Variants in GRK6 observed in about 807,000 individuals in gnomAD.
The protein encoded by GRK6 is G protein-coupled receptor kinase 6.
In GRK6, 37 loss-of-function variants were observed where a neutral mutation model predicts 80.8. The ratio of observed to expected loss-of-function variants is 0.46; its 90% CI spans 0.35 to 0.60. The LOEUF (loss-of-function observed/expected upper bound fraction) is 0.60. Among genes scored for constraint, GRK6 ranks in the 20% least tolerant of loss-of-function variants. The probability of loss-of-function intolerance (pLI) is 0.00; values close to 1 mark genes in which losing one functional copy is unlikely to be tolerated. For missense variants in GRK6, 560 were observed against 784.6 expected, an observed-to-expected ratio of 0.71 and a Z score of 3.42; for synonymous variants, 295 against 320.9, an observed-to-expected ratio of 0.92 and a Z score of 0.86.
intron 5 of GRK6, 62 bp from the exon 6 acceptor site, chr5:177,433,085 C>A: frequency 1.4e-6 from 2 of 1,448,076 alleles, no homozygotes; most frequent in Admixed American, 1.7e-5. Context: ...CCTGGCCCAG[C>A]AAGCCAAGAG....
Position 177,442,266 on chromosome 5 carries a change from A to G in GRK6, c.*476A>G. ...CTGGCCACCCCGGCCTCTGAGTAAG[A>G]CTCGTGCCTCCCCCTGCTGCCCTGG... On this transcript the variant is annotated 3_prime_UTR_variant, in exon 16 of 16. Coordinates refer to ENST00000355472, the MANE Select transcript of GRK6 (RefSeq NM_001004106.3). The G allele has an allele frequency of 6.0e-6, 1 of 166,064 alleles. No individual in the cohort carries two copies. Among genetic ancestry groups the G allele is most frequent in the Non-Finnish European group, 1.3e-5 (1 of 76,668 alleles). The allele number at this position is 166,064 out of a possible 1,614,324, so 10.3% of individuals were successfully genotyped here.
chr5:177,441,469 G>C (rs1764495644), intron 15 of GRK6: 3 of 636,194 alleles, frequency 4.7e-6, no homozygotes, highest in African/African-American at 3.7e-5. Context: ...AGGGGAGAGG[G>C]CTGGGCAGAG....
chr5:177,433,617 G>A lies in GRK6; in HGVS notation c.679G>A (p.Gly227Arg). 6.2e-7 allele frequency: 1 copy of A among 1,614,154 alleles called. No individual in the cohort carries two copies. Among genetic ancestry groups the A allele is most frequent in the Non-Finnish European group, 8.5e-7 (1 of 1,180,032 alleles). ...GAAAAAGCGGATCAAGAAGCGGAAA[G>A]GGGAGGCCATGGCGCTGAACGAGAA... is the stretch of plus-strand genomic sequence containing the variant. Reference protein sequence around the residue: ...LEKKRIKKRKGEAMALNEKQI... With the variant: ...LEKKRIKKRKREAMALNEKQI... The change falls in exon 8 of 16, where the codon GGG (glycine) becomes AGG (arginine). Residue 227 changes from glycine to arginine, a missense_variant. Physicochemically the swap from Gly to Arg is moderately radical, Grantham distance 125 (BLOSUM62 -2). Transcript: ENST00000355472.
At position 177,436,417 on chromosome 5, in the gene GRK6, C is replaced by T. The variant is rs909306347; in HGVS notation, c.1291C>T (p.Arg431Cys). The T allele has an allele frequency of 8.9e-6, 14 of 1,572,780 alleles. No individual in the cohort carries two copies. Among genetic ancestry groups the T allele is most frequent in the Non-Finnish European group, 9.5e-6 (11 of 1,154,070 alleles). Residue 431 changes from arginine (R) to cysteine (C), a missense_variant, in exon 13 of 16, where the codon CGC becomes TGC. By Grantham distance (180) the Arg-to-Cys change is radical. This residue lies in a region of GRK6 where 294 missense variants were observed against 397.4 expected (regional missense o/e 0.74). Coordinates refer to ENST00000355472, the MANE Select transcript of GRK6 (RefSeq NM_001004106.3). ...SQLLCKDPAE[R>C]LGCRGGSARE... ...GCTCCTCTGCAAGGACCCTGCCGAA[C>T]GCCTGGGGTGTCGTGGGGGCAGTGC...
intron 13 of GRK6, among the ~76,000 whole-genome samples, chr5:177,437,383 C>T (rs1764211174): frequency 6.6e-6 from 1 of 152,198 alleles, no homozygotes; most frequent in Admixed American, 6.5e-5. Context: ...GAACCTGCAC[C>T]AATGGGGGAG....
Position 177,433,911 on chromosome 5 carries a change from C to T in GRK6, c.739-3C>T. ...CTGAGGGCTCGGGTCCCCTCGGCCA[C>T]AGGTGAGCTTGGCCTACGCCTATGA... is the stretch of plus-strand genomic sequence containing the variant. On this transcript the variant is annotated splice_region_variant and splice_polypyrimidine_tract_variant and intron_variant, in intron 8 of 15. Transcript: ENST00000355472. The T allele has an allele frequency of 6.4e-7, 1 of 1,561,160 alleles. No individual in the cohort carries two copies. The highest frequency in any genetic ancestry group is 1.4e-5 in the African/African-American group (1 of 73,542).
intron 2 of GRK6, 24 bp from the exon 3 acceptor site, chr5:177,431,971 A>G (rs1485851898): frequency 6.2e-7 from 1 of 1,605,462 alleles, no homozygotes; most frequent in Non-Finnish European, 8.5e-7. Context: ...CTGTGGACCC[A>G]GCAGCTTCCA....
At chr5:177,436,328 C>A in intron 12 of GRK6, 47 bp downstream of exon 12, 1 of 1,608,096 alleles carries the variant, frequency 6.2e-7, no homozygotes, top group Non-Finnish European at 8.5e-7. Context: ...GGGGTGGATG[C>A]ACCTTTCCCT....
At position 177,441,063 on chromosome 5, in the gene GRK6, A is replaced by G. The variant is rs1198796466; in HGVS notation, c.1677+10A>G. The G allele has an allele frequency of 6.2e-7, 1 of 1,613,080 alleles. No homozygotes were observed. The highest frequency in any genetic ancestry group is 8.5e-7 in the Non-Finnish European group (1 of 1,179,680). On this transcript the variant is annotated intron_variant, in intron 15 of 15. Coordinates refer to ENST00000355472, the MANE Select transcript of GRK6 (RefSeq NM_001004106.3). ...ACTCTTCAGTCGCCAAGTAAGCCCC[A>G]GCAGCGGCCTACCTGGGCCCCTAAC...
chr5:177,432,444 T>C, intron 4 of GRK6, 134 bp downstream of exon 4: 3 of 950,192 alleles, frequency 3.2e-6, no homozygotes, highest in African/African-American at 1.6e-5. Context: ...GGACAGAGAG[T>C]GCCCTGGAGC....
rs533155610 is a variant in GRK6, at chr5:177,431,949, T to C, written c.149-46T>C. ...GTGGTGTGGGCACATGCCCCACCCA[T>C]GTGCTCTCGGGCTGTGGACCCAGCA... is the stretch of plus-strand genomic sequence containing the variant. On this transcript the variant is annotated intron_variant, in intron 2 of 15. Coordinates refer to ENST00000355472, the MANE Select transcript of GRK6 (RefSeq NM_001004106.3). 7 of 1,551,340 alleles carry C rather than the reference T, an allele frequency of 4.5e-6. No homozygotes were observed. The East Asian group carries it at 6.7e-5, about 15-fold the overall frequency.
Position 177,432,820 on chromosome 5 carries a change from T to G in GRK6, c.440+14T>G. 1 of 1,589,232 alleles carries G rather than the reference T, an allele frequency of 6.3e-7. No individual in the cohort carries two copies. On this transcript the variant is annotated intron_variant, in intron 5 of 15. Coordinates refer to ENST00000355472, the MANE Select transcript of GRK6 (RefSeq NM_001004106.3). ...GGAACTCACCCGGTAAGCCTGTCCCTGCCCACAAGCCTGGAATTATGCCCA... is the reference window on the plus strand; with the variant it reads ...GGAACTCACCCGGTAAGCCTGTCCCGGCCCACAAGCCTGGAATTATGCCCA...
In GRK6 at chr5:177,434,118, G is replaced by A. The variant is rs781539690; in HGVS notation, c.929+14G>A. The A allele has an allele frequency of 3.8e-5, 59 of 1,539,756 alleles. No homozygotes were observed. The African/African-American group carries it at 4.9e-4, about 13-fold the overall frequency. On this transcript the variant is annotated intron_variant, in intron 9 of 15. Transcript: ENST00000355472. ...CATCGTGTACAGGTGGGGAGGGCTCGGCCACCCCAGGGGCTTAGTCCTTCC... is the reference window on the plus strand; with the variant it reads ...CATCGTGTACAGGTGGGGAGGGCTCAGCCACCCCAGGGGCTTAGTCCTTCC...
chr5:177,439,773 G>A (rs1764372560), intron 13 of GRK6: 1 of 152,224 alleles, frequency 6.6e-6, no homozygotes, highest in African/African-American at 2.4e-5. Flanking sequence ...GCATCACATA[G>A]TATGTGATCC....
chr5:177,439,246 G>A (rs1227581063), intron 13 of GRK6, among the ~76,000 whole-genome samples: 4 of 152,128 alleles, frequency 2.6e-5, no homozygotes, highest in South Asian at 2.1e-4. Context: ...CCCATTTAAA[G>A]TGTACAATTC....
chr5:177,440,908 C>A lies in GRK6; in HGVS notation c.1543-11C>A. The A allele has an allele frequency of 6.2e-7, 1 of 1,613,966 alleles. No individual in the cohort carries two copies. The highest frequency in any genetic ancestry group is 8.5e-7 in the Non-Finnish European group (1 of 1,179,964). The stretch of plus-strand genomic sequence containing the variant: ...TGGGGACAGCTGTCACAGCCGCCTG[C>A]TCCTCAGCAGATGGTGGAGACCGAG... On this transcript the variant is annotated splice_polypyrimidine_tract_variant and intron_variant, in intron 14 of 15. Transcript: ENST00000355472.
chr5:177,442,054 T>C lies in GRK6; in HGVS notation c.*264T>C. On this transcript the variant is annotated 3_prime_UTR_variant, in exon 16 of 16. Transcript: ENST00000355472. ...TTCTGTATTTATGTATTTGTACGAA[T>C]GTATATAGCGACCAGAGCATTCTTA... 7 of 502,672 alleles carry C rather than the reference T, an allele frequency of 1.4e-5. No homozygotes were observed. In the South Asian group the frequency reaches 1.5e-4, roughly 11 times the overall value. The allele number at this position is 502,672 out of a possible 1,614,324, so 31.1% of individuals were successfully genotyped here.
At chr5:177,426,960 C>G in intron 1 of GRK6, 63 bp downstream of exon 1, 3 of 1,112,050 alleles carry the variant, frequency 2.7e-6, no homozygotes, top group South Asian at 2.6e-5. Context: ...TGCGTCTGAG[C>G]TCCGCAGGGC....
chr5:177,426,914 G>GGCGGCCGGGCCCGGGTGC lies in GRK6; in HGVS notation c.52+19_52+36dup, dbSNP rs765416831. On this transcript the variant is annotated intron_variant, in intron 1 of 15. Coordinates refer to ENST00000355472, the MANE Select transcript of GRK6 (RefSeq NM_001004106.3). Reference sequence around the variant, plus strand: ...CCCGGGAAGGTGAGGCGGCCGGGTGGGCGGCCGGGCCCGGGTGCGTGGAGC... The same window carrying GGCGGCCGGGCCCGGGTGC: ...CCCGGGAAGGTGAGGCGGCCGGGTGGGCGGCCGGGCCCGGGTGCGCGGCCGGGCCCGGGTGCGTGGAGC... The GGCGGCCGGGCCCGGGTGC allele has an allele frequency of 1.5e-6, 2 of 1,363,394 alleles. No homozygotes were observed. The highest frequency in any genetic ancestry group is 2.8e-5 in the East Asian group (1 of 35,144). 84.5% of individuals were successfully genotyped at this position (1,363,394 alleles called of 1,614,324 possible).
Sources: allele counts gnomAD v4.1 joint callset (sites outside exome capture counted in the v4.1 genomes callset), GRCh38; gene constraint gnomAD v4.1.1; regional missense constraint gnomAD v4.1.1; transcripts MANE v1.5; gene names NCBI Gene and HGNC (gene_info 2026-07-23, HGNC 2026-07-21).